Variants in CASK observed in about 807,000 individuals in gnomAD.
CASK encodes calcium/calmodulin dependent serine protein kinase, also known as peripheral plasma membrane protein CASK.
Under a neutral mutation model 82.9 loss-of-function variants are expected in CASK, and 4 were observed. The ratio of observed to expected loss-of-function variants is 0.05; its 90% CI spans 0.02 to 0.11. The LOEUF (loss-of-function observed/expected upper bound fraction) is 0.11, where lower values mean the gene tolerates loss of function less well. CASK is among the 10% of genes least tolerant of loss of function. The probability of loss-of-function intolerance (pLI) is 1.00; values close to 1 mark genes in which losing one functional copy is unlikely to be tolerated. For synonymous variants in CASK, 259 were observed against 253.5 expected, an observed-to-expected ratio of 1.02 and a Z score of -0.20; for missense variants, 358 against 720.9, an observed-to-expected ratio of 0.50 and a Z score of 5.76.
At chrX:41,691,265 T>C (rs2067551324) in intron 5 of CASK, among the ~76,000 whole-genome samples, 1 of 111,592 alleles carries the variant, frequency 9.0e-6, no homozygotes, top group Admixed American at 9.5e-5. Flanking sequence ...GCTCTGTGGG[T>C]AGTGGCAATC....
At chrX:41,802,867 A>G (rs2070030138) in intron 2 of CASK, among the ~76,000 whole-genome samples, 1 of 111,407 alleles carries the variant, frequency 9.0e-6, no homozygotes, top group Admixed American at 9.6e-5. Flanking sequence ...ACTTTCACCC[A>G]TATGCTATAT....
At chrX:41,692,425 C>A (rs1052423426) in intron 5 of CASK, among the ~76,000 whole-genome samples, 2 of 111,872 alleles carry the variant, frequency 1.8e-5, no homozygotes, top group African/African-American at 6.5e-5. Context: ...TGGTGGTAGT[C>A]TCAAAAATCT....
At chrX:41,820,611 CA>C (rs1165181156) in intron 2 of CASK, among the ~76,000 whole-genome samples, 3 of 110,629 alleles carry the variant, frequency 2.7e-5, no homozygotes, top group Non-Finnish European at 5.7e-5. Context: ...AAAGTAACAC[CA>C]ATCAAAATCT....
At chrX:41,674,632 G>C (rs1203179394) in intron 5 of CASK, among the ~76,000 whole-genome samples, 2 of 111,019 alleles carry the variant, frequency 1.8e-5, no homozygotes, top group African/African-American at 6.6e-5. Context: ...AGGGGATCAC[G>C]GGACATGGAA....
At chrX:41,770,016 A>G (rs1033272534) in intron 3 of CASK, among the ~76,000 whole-genome samples, 1 of 111,145 alleles carries the variant, frequency 9.0e-6, no homozygotes, top group Non-Finnish European at 1.9e-5. Flanking sequence ...ATAATTTTCA[A>G]CATAATTTCT....
At chrX:41,841,675 C>T (rs2071042428) in intron 2 of CASK, among the ~76,000 whole-genome samples, 1 of 109,759 alleles carries the variant, frequency 9.1e-6, no homozygotes, top group Non-Finnish European at 1.9e-5. Context: ...AGGCATGCAC[C>T]ACCACCCCTG....
intron 5 of CASK, among the ~76,000 whole-genome samples, chrX:41,682,529 GAAAAAAAAA>G (rs869093187): frequency 4.3e-5 from 1 of 23,175 alleles, no homozygotes; most frequent in Admixed American, 9.3e-4. Context: ...ACTGTCTCAG[GAAAAAAAAA>G]AAAAAAAAAA....
chrX:41,912,201 C>T (rs1289893681), intron 1 of CASK, among the ~76,000 whole-genome samples: 1 of 108,817 alleles, frequency 9.2e-6, no homozygotes, highest in Non-Finnish European at 1.9e-5. Flanking sequence ...AGAGCAATGA[C>T]ATTTTTAAAA....
chrX:41,691,840 CAAAAAAAAAAA>C (rs397895684), intron 5 of CASK, among the ~76,000 whole-genome samples: 4 of 28,484 alleles, frequency 1.4e-4, no homozygotes, highest in African/African-American at 6.1e-4. Context: ...GACTCTGTCT[CAAAAAAAAAAA>C]AAAAAAAAAA....
In CASK at chrX:41,912,181, T is replaced by C. The variant is rs771421853; in HGVS notation, c.59+10749A>G. ...GCATGTTCTTACTCATAAGTGGGAGTTGAACAATGAGAGCAATGACATTTT... is the reference window on the plus strand; with the variant it reads ...GCATGTTCTTACTCATAAGTGGGAGCTGAACAATGAGAGCAATGACATTTT... On this transcript the variant is annotated intron_variant, in intron 1 of 26. Transcript: ENST00000378163. Among the ~76,000 whole-genome samples, 4 of 110,044 alleles carry C rather than the reference T, an allele frequency of 3.6e-5. No individual in the cohort carries two copies. In the South Asian group the frequency reaches 1.6e-3, roughly 43 times the overall value.
At position 41,542,782 on chromosome X, in the gene CASK, C is replaced by T. The variant is rs2064965345; in HGVS notation, c.2064G>A (p.Glu688=). ...TGGCCTGCTGCTCCTGTTTGGTCTTCTCCATGGCAATGCAAGCTACTCGCC... is the reference window on the plus strand; with the variant it reads ...TGGCCTGCTGCTCCTGTTTGGTCTTTTCCATGGCAATGCAAGCTACTCGCC... ...QEWRVACIAM[E]KTKQEQQASC... The change falls in exon 22 of 27, where the codon GAG becomes GAA. Residue 688 remains glutamate, a synonymous_variant. Coordinates refer to ENST00000378163, the MANE Select transcript of CASK (RefSeq NM_001367721.1). 1 of 1,197,423 alleles carries T rather than the reference C, an allele frequency of 8.4e-7. No homozygotes were observed. The highest frequency in any genetic ancestry group is 1.1e-6 in the Non-Finnish European group (1 of 882,715).
At chrX:41,701,351 C>A (rs2067789880) in intron 5 of CASK, among the ~76,000 whole-genome samples, 1 of 111,927 alleles carries the variant, frequency 8.9e-6, no homozygotes, top group Non-Finnish European at 1.9e-5. Context: ...TTGTCCCAAA[C>A]CATAAAAACT....
chrX:41,544,047 T>C (rs2147114681), intron 21 of CASK, among the ~76,000 whole-genome samples: 1 of 112,360 alleles, frequency 8.9e-6, no homozygotes, highest in Non-Finnish European at 1.9e-5. Context: ...CTTTTGACCG[T>C]TCCTCTGTTC....
intron 1 of CASK, among the ~76,000 whole-genome samples, chrX:41,867,156 T>C (rs2071606619): frequency 8.9e-6 from 1 of 112,144 alleles, no homozygotes; most frequent in Admixed American, 9.4e-5. Flanking sequence ...ACAAACACGG[T>C]TATGCATAAC....
At chrX:41,718,934 C>A (rs188071378) in intron 5 of CASK, among the ~76,000 whole-genome samples, 1 of 112,314 alleles carries the variant, frequency 8.9e-6, no homozygotes, top group East Asian at 2.8e-4. Flanking sequence ...GTCAGCAGAT[C>A]TGGTTGCTAT....
chrX:41,529,927 T>C (rs1053570389), intron 25 of CASK, among the ~76,000 whole-genome samples: 1 of 111,552 alleles, frequency 9.0e-6, no homozygotes, highest in Non-Finnish European at 1.9e-5. Flanking sequence ...TCACACAGAC[T>C]CTGGCTATAT....
intron 25 of CASK, among the ~76,000 whole-genome samples, chrX:41,526,346 AC>A (rs1375102370): frequency 2.7e-5 from 3 of 111,745 alleles, no homozygotes; most frequent in Non-Finnish European, 5.6e-5. Flanking sequence ...ATGGAAGTCC[AC>A]CCAGCCTGGA....
intron 5 of CASK, among the ~76,000 whole-genome samples, chrX:41,674,551 A>AT (rs1414481658): frequency 1.8e-5 from 2 of 110,956 alleles, no homozygotes; most frequent in Non-Finnish European, 3.8e-5. Context: ...AACATATTAC[A>AT]TTTTTTTCTA....
At chrX:41,698,061 C>T (rs1467517678) in intron 5 of CASK, 2 of 111,533 alleles carry the variant, frequency 1.8e-5, no homozygotes, top group Admixed American at 9.6e-5. Flanking sequence ...CTCAGCCTCC[C>T]AAAGTGCTGG....
Sources: gnomAD v4.1 joint callset for allele counts (sites outside exome capture counted in the v4.1 genomes callset) on GRCh38, gnomAD v4.1.1 for gene constraint, MANE v1.5 for transcripts, NCBI Gene and HGNC (gene_info 2026-07-23, HGNC 2026-07-21) for gene names.